The following ARSL variants were observed in gnomAD, a reference collection of about 807,000 sequenced individuals.
ARSL encodes arylsulfatase E (chondrodysplasia punctata 1).
Under a neutral mutation model 31.1 loss-of-function variants are expected in ARSL, and 4 were observed. That is an observed-to-expected ratio of 0.13 (90% CI 0.06 to 0.29). ARSL has a LOEUF of 0.29. ARSL is among the 10% of genes least tolerant of loss of function. The probability of loss-of-function intolerance (pLI) is 1.00; values close to 1 mark genes in which losing one functional copy is unlikely to be tolerated. For missense variants in ARSL, 312 were observed against 497.8 expected, an observed-to-expected ratio of 0.63 and a Z score of 3.55; for synonymous variants, 198 against 209.9, an observed-to-expected ratio of 0.94 and a Z score of 0.49.
intron 6 of ARSL, among the ~76,000 whole-genome samples, 156 bp from the exon 7 acceptor site, chrX:2,946,290 C>T (rs1165916296): frequency 2.9e-5 from 3 of 104,744 alleles, no homozygotes; most frequent in East Asian, 3.0e-4. Context: ...TCTTCTTCAA[C>T]GGAAAATTAA....
rs2089211224 is a variant in ARSL at position 2,937,008 on chromosome X, G to A, written c.1290-145C>T. 7 of 806,526 alleles carry A rather than the reference G, an allele frequency of 8.7e-6. No homozygotes were observed. The Admixed American group carries it at 1.8e-4, about 21-fold the overall frequency. The allele number at this position is 806,526 out of a possible 1,213,427, so 66.5% of individuals were successfully genotyped here. ...GGAAAGTCTGGGTGTGAACGCAGATGGATGGAAGGCATGTGTGTGCATTAG... is the reference window on the plus strand; with the variant it reads ...GGAAAGTCTGGGTGTGAACGCAGATAGATGGAAGGCATGTGTGTGCATTAG... On this transcript the variant is annotated intron_variant, in intron 9 of 10. Transcript: ENST00000381134.
At chrX:2,950,167 T>C (rs113046185) in intron 5 of ARSL, among the ~76,000 whole-genome samples, 1,342 of 111,436 alleles carry the variant, frequency 0.012, 23 homozygotes, top group African/African-American at 0.041. Flanking sequence ...TCCATCTCCA[T>C]GTTTCCATGG....
intron 5 of ARSL, among the ~76,000 whole-genome samples, chrX:2,952,227 T>A (rs901224403): frequency 8.9e-6 from 1 of 111,840 alleles, no homozygotes; most frequent in Non-Finnish European, 1.9e-5. Context: ...ATTACAGAAA[T>A]TTTTGATGCA....
intron 5 of ARSL, among the ~76,000 whole-genome samples, chrX:2,950,179 G>A (rs995309362): frequency 9.0e-6 from 1 of 111,327 alleles, no homozygotes. Flanking sequence ...TTTCCATGGC[G>A]TTGTCCTCTG....
rs750241721 is a variant in ARSL at position 2,934,805 on chromosome X, G to C, written c.*27C>G. ...ATTTGAGTGACAAAATTTAGGAATC[G>C]GGGCTCCAGCTTTTCACTGCAGACA... On this transcript the variant is annotated 3_prime_UTR_variant, in exon 11 of 11. Transcript: ENST00000381134. 8.5e-7 allele frequency: 1 copy of C among 1,169,657 alleles called. No homozygotes were observed. The highest frequency in any genetic ancestry group is 1.8e-5 in the African/African-American group (1 of 56,061).
At chrX:2,968,006 A>AT, upstream of ARSL, 2 of 731,959 alleles carry the variant, frequency 2.7e-6, no homozygotes, top group Non-Finnish European at 3.9e-6. Context: ...GATTATTATT[A>AT]TTTTTTGAAA....
rs1158020681 is a variant in ARSL at position 2,943,194 on chromosome X, T to A, written c.997A>T (p.Ile333Phe). The A allele has an allele frequency of 1.7e-5, 20 of 1,210,739 alleles. No individual in the cohort carries two copies. Among genetic ancestry groups the A allele is most frequent in the Non-Finnish European group, 2.2e-5 (20 of 895,344 alleles). Residue 333 changes from isoleucine (I) to phenylalanine (F), a missense_variant, in exon 8 of 11, where the codon ATC (isoleucine) becomes TTC (phenylalanine). Physicochemically the swap from Ile to Phe is conservative, Grantham distance 21. Coordinates refer to ENST00000381134, the MANE Select transcript of ARSL (RefSeq NM_000047.3). ...VEEMDWMVGR[I>F]LDTLDVEGLS... ...CCCTCCACGTCCAAAGTGTCAAGGA[T>A]CCGTCCTGCAAAGAACAGATGTTTT... is the stretch of plus-strand genomic sequence containing the variant.
chrX:2,966,283 T>C (rs978115886), upstream of ARSL, among the ~76,000 whole-genome samples: 1 of 111,754 alleles, frequency 8.9e-6, no homozygotes, highest in African/African-American at 3.2e-5. Context: ...CAGAAATGTT[T>C]TCTTTTCCTG....
intron 7 of ARSL, among the ~76,000 whole-genome samples, chrX:2,945,143 G>A (rs1326474720): frequency 9.0e-6 from 1 of 111,091 alleles, no homozygotes; most frequent in Non-Finnish European, 1.9e-5. Flanking sequence ...GGTGCGTCAG[G>A]GCAGGCTCTG....
intron 7 of ARSL, 49 bp from the exon 8 acceptor site, chrX:2,943,248 A>G: frequency 8.3e-7 from 1 of 1,197,795 alleles, no homozygotes; most frequent in Non-Finnish European, 1.1e-6. Context: ...AAAATATCAG[A>G]AATGCAGCTC....
intron 9 of ARSL, 120 bp downstream of exon 9, chrX:2,937,975 G>A: frequency 6.0e-6 from 6 of 1,004,768 alleles, no homozygotes; most frequent in African/African-American, 3.7e-5. Flanking sequence ...CCCGACCCTC[G>A]GTTTGGTCGG....
chrX:2,943,422 A>G (rs2089309306), intron 7 of ARSL, among the ~76,000 whole-genome samples: 1 of 110,977 alleles, frequency 9.0e-6, no homozygotes, highest in Admixed American at 9.7e-5. Context: ...GGCAACGTAC[A>G]AGGACAAAAT....
chrX:2,943,887 C>T (rs1189052957), intron 7 of ARSL, among the ~76,000 whole-genome samples: 1 of 108,941 alleles, frequency 9.2e-6, no homozygotes, highest in East Asian at 2.9e-4. Context: ...TCATTAATGT[C>T]ACTCACAGTT....
At chrX:2,944,473 C>CAAAAAAA in intron 7 of ARSL, among the ~76,000 whole-genome samples, 1 of 94,200 alleles carries the variant, frequency 1.1e-5, no homozygotes. Context: ...ACAAAAAAAA[C>CAAAAAAA]AAAAAAAAAA....
chrX:2,945,005 T>TAAGAAGAAG (rs368635699), intron 7 of ARSL, among the ~76,000 whole-genome samples: 3 of 95,283 alleles, frequency 3.1e-5, no homozygotes, highest in African/African-American at 1.2e-4. Flanking sequence ...AGAAGAAGAA[T>TAAGAAGAAG]AAGAAGAAGA....
chrX:2,942,095 G>C (rs1269595114), intron 8 of ARSL, among the ~76,000 whole-genome samples: 1 of 111,448 alleles, frequency 9.0e-6, no homozygotes, highest in African/African-American at 3.3e-5. Flanking sequence ...CCCCCCAGGA[G>C]TTCTGCCCAG....
intron 2 of ARSL, chrX:2,959,470 A>G (rs1229317594): frequency 8.5e-6 from 7 of 827,931 alleles, no homozygotes; most frequent in Non-Finnish European, 1.1e-5. Flanking sequence ...CATGGACAGC[A>G]GGGCCATAGT....
chrX:2,944,323 G>A (rs182533879), intron 7 of ARSL, among the ~76,000 whole-genome samples: 1,792 of 108,674 alleles, frequency 0.016, 33 homozygotes, highest in African/African-American at 0.053. Context: ...GCATGGTGGC[G>A]GGTGCCTGTA....
rs73632985 is a variant in ARSL, at chrX:2,960,882, G to C, written c.-20-462C>G. Among the ~76,000 whole-genome samples, 1,105 of 111,476 alleles carry C rather than the reference G, an allele frequency of 9.9e-3. 11 individuals are homozygous for C. The highest frequency in any genetic ancestry group is 0.034 in the African/African-American group (1,048 of 30,725). The stretch of plus-strand genomic sequence containing the variant: ...GGAAGCGGGGAAAGATCAAAGCTTG[G>C]ATGATACACAAAAGAATCTGAGTAG... On this transcript the variant is annotated intron_variant, in intron 1 of 10. Coordinates refer to ENST00000381134, the MANE Select transcript of ARSL (RefSeq NM_000047.3).
Sources: allele counts gnomAD v4.1 joint callset (sites outside exome capture counted in the v4.1 genomes callset), GRCh38; gene constraint gnomAD v4.1.1; transcripts MANE v1.5; gene names NCBI Gene and HGNC (gene_info 2026-07-23, HGNC 2026-07-21).